CNTNAP4: variants seen among roughly 807,000 people sequenced by gnomAD.
The protein encoded by CNTNAP4 is contactin-associated protein-like 4.
A neutral mutation model predicts 148.4 loss-of-function variants in CNTNAP4; 98 were observed. That is an observed-to-expected ratio of 0.66 (90% CI 0.56 to 0.78). The LOEUF (loss-of-function observed/expected upper bound fraction) is 0.78, where lower values mean the gene tolerates loss of function less well. CNTNAP4 is among the 30% of genes least tolerant of loss of function. The probability of loss-of-function intolerance (pLI) is 0.00; values close to 1 mark genes in which losing one functional copy is unlikely to be tolerated. For missense variants in CNTNAP4, 1,935 were observed against 1,565.6 expected, an observed-to-expected ratio of 1.24 and a Z score of -3.98; for synonymous variants, 730 against 565.1, an observed-to-expected ratio of 1.29 and a Z score of -4.14.
At chr16:76,419,369 C>G (rs1438639251) in intron 3 of CNTNAP4, among the ~76,000 whole-genome samples, 2 of 151,998 alleles carry the variant, frequency 1.3e-5, no homozygotes, top group African/African-American at 4.8e-5. Context: ...GAGCATACTT[C>G]ACAGTCATTC....
At chr16:76,555,144 T>C (rs1047595528) in intron 23 of CNTNAP4, among the ~76,000 whole-genome samples, 1 of 152,124 alleles carries the variant, frequency 6.6e-6, no homozygotes, top group African/African-American at 2.4e-5. Flanking sequence ...ACCTGATTCA[T>C]TTGGATGTAT....
In CNTNAP4 at chr16:76,373,184, A is replaced by G. The variant is rs544038375; in HGVS notation, c.390+17673A>G. 7.9e-5 allele frequency among the ~76,000 whole-genome samples: 12 copies of G among 151,918 alleles called. No homozygotes were observed. In the East Asian group the frequency reaches 2.3e-3, roughly 30 times the overall value. On this transcript the variant is annotated intron_variant, in intron 3 of 23. Coordinates refer to ENST00000611870, the MANE Select transcript of CNTNAP4 (RefSeq NM_033401.5). ...ATATTCCACATAAATAGGTGAATAT[A>G]TTCCACATAAATAGGTGAATATATT...
chr16:76,340,368 C>A (rs1156934321), intron 2 of CNTNAP4, among the ~76,000 whole-genome samples: 1 of 152,156 alleles, frequency 6.6e-6, no homozygotes, highest in Non-Finnish European at 1.5e-5. Context: ...TAAATCACTC[C>A]AGGTTATCCT....
Position 76,452,537 on chromosome 16 carries a change from A to G in CNTNAP4, c.1101A>G (p.Pro367=), listed in dbSNP as rs1242693134. 1.2e-6 allele frequency: 2 copies of G among 1,614,002 alleles called. No homozygotes were observed. The highest frequency in any genetic ancestry group is 1.7e-6 in the Non-Finnish European group (2 of 1,179,880). Residue 367 remains proline, a synonymous_variant, in exon 8 of 24, where the codon CCA becomes CCG. Transcript: ENST00000611870. ...MGNVSFSCSQ[P]QSMPVTFLSS... ...ATGTGTCATTTTCTTGTTCACAACC[A>G]CAATCTATGCCCGTGACTTTTCTGA...
chr16:76,333,771 G>C (rs930275607), intron 2 of CNTNAP4, among the ~76,000 whole-genome samples: 1 of 144,866 alleles, frequency 6.9e-6, no homozygotes, highest in Non-Finnish European at 1.5e-5. Context: ...TGCTTGTGTG[G>C]GTTATAGGTT....
chr16:76,537,273 A>G (rs1328589958), intron 18 of CNTNAP4, among the ~76,000 whole-genome samples: 2 of 152,194 alleles, frequency 1.3e-5, no homozygotes, highest in African/African-American at 2.4e-5. Flanking sequence ...AAACAATTAA[A>G]AACTCTAAGA....
chr16:76,524,043 C>A (rs1597056980), intron 17 of CNTNAP4, among the ~76,000 whole-genome samples: 1 of 152,284 alleles, frequency 6.6e-6, no homozygotes, highest in East Asian at 1.9e-4. Flanking sequence ...ATCTTATTAA[C>A]CCTCTCTCAC....
intron 1 of CNTNAP4, among the ~76,000 whole-genome samples, chr16:76,293,372 A>C (rs1238325836): frequency 6.6e-6 from 1 of 152,066 alleles, no homozygotes; most frequent in Non-Finnish European, 1.5e-5. Flanking sequence ...GTTTTTCACT[A>C]TTCACAAGCA....
intron 8 of CNTNAP4, among the ~76,000 whole-genome samples, chr16:76,458,128 C>A (rs2080805851): frequency 6.6e-6 from 1 of 152,096 alleles, no homozygotes; most frequent in Admixed American, 6.6e-5. Context: ...AATGTTATTC[C>A]ATTCTTTTTT....
At chr16:76,455,324 A>T (rs2080684287) in intron 8 of CNTNAP4, among the ~76,000 whole-genome samples, 1 of 152,184 alleles carries the variant, frequency 6.6e-6, no homozygotes, top group African/African-American at 2.4e-5. Flanking sequence ...CAGGCTTATA[A>T]CCATGCCTCT....
At chr16:76,308,763 A>G in intron 1 of CNTNAP4, among the ~76,000 whole-genome samples, 1 of 152,218 alleles carries the variant, frequency 6.6e-6, no homozygotes, top group East Asian at 1.9e-4. Context: ...ATCACTGAAG[A>G]TGCACACTAC....
At chr16:76,352,100 TA>T (rs1288276076) in intron 2 of CNTNAP4, among the ~76,000 whole-genome samples, 1 of 152,160 alleles carries the variant, frequency 6.6e-6, no homozygotes, top group Non-Finnish European at 1.5e-5. Context: ...AGGGTGACAT[TA>T]TAGGGGCATT....
At chr16:76,384,327 C>T (rs544692493) in intron 3 of CNTNAP4, among the ~76,000 whole-genome samples, 32 of 152,246 alleles carry the variant, frequency 2.1e-4, no homozygotes, top group African/African-American at 7.7e-4. Context: ...CAGGCTTGAG[C>T]CACCGCGCCC....
At chr16:76,358,726 A>G (rs969238555) in intron 3 of CNTNAP4, among the ~76,000 whole-genome samples, 1 of 152,206 alleles carries the variant, frequency 6.6e-6, no homozygotes, top group Admixed American at 6.5e-5. Context: ...TTGACAGATA[A>G]CTTTAAATGT....
chr16:76,551,893 AT>A (rs1263401036), intron 21 of CNTNAP4, among the ~76,000 whole-genome samples: 30 of 152,078 alleles, frequency 2.0e-4, no homozygotes, highest in African/African-American at 7.2e-4. Context: ...TAAAGTGCAC[AT>A]TTTGTCTTTC....
intron 21 of CNTNAP4, among the ~76,000 whole-genome samples, chr16:76,548,570 C>G (rs545678627): frequency 6.6e-6 from 1 of 152,038 alleles, no homozygotes; most frequent in South Asian, 2.1e-4. Flanking sequence ...ATTTTTCTTG[C>G]AGGCCTTTTG....
rs2085075455 is a variant in CNTNAP4 at position 76,553,847 on chromosome 16, A to G, written c.3673A>G (p.Thr1225Ala). 6.2e-7 allele frequency: 1 copy of G among 1,611,166 alleles called. No individual in the cohort carries two copies. Among genetic ancestry groups the G allele is most frequent in the Non-Finnish European group, 8.5e-7 (1 of 1,177,640 alleles). Residue 1225 changes from threonine to alanine, a missense_variant, in exon 23 of 24, where the codon ACA (threonine) becomes GCA (alanine). Physicochemically the swap from Thr to Ala is moderately conservative, Grantham distance 58. Transcript: ENST00000611870. Reference sequence around the variant, plus strand: ...TGCTTTAACTGCAGATCATTCTGGAACAATAGATGACAGAGAGCCCCTTGC... The same window carrying G: ...TGCTTTAACTGCAGATCATTCTGGAGCAATAGATGACAGAGAGCCCCTTGC... ...RTHSFADHSG[T>A]IDDREPLANA...
intron 10 of CNTNAP4, among the ~76,000 whole-genome samples, chr16:76,472,468 T>A (rs1457118956): frequency 1.3e-5 from 2 of 152,034 alleles, no homozygotes; most frequent in East Asian, 3.8e-4. Context: ...TATGTTGAAC[T>A]CTTTTTAAAA....
chr16:76,293,282 G>T (rs546468793), intron 1 of CNTNAP4, among the ~76,000 whole-genome samples: 1 of 151,980 alleles, frequency 6.6e-6, no homozygotes, highest in East Asian at 1.9e-4. Context: ...GTGCCATCAC[G>T]CCCAGCTAAT....
Sources: gnomAD v4.1 joint callset for allele counts (sites outside exome capture counted in the v4.1 genomes callset) on GRCh38, gnomAD v4.1.1 for gene constraint, MANE v1.5 for transcripts, NCBI Gene and HGNC (gene_info 2026-07-23, HGNC 2026-07-21) for gene names.